The following SREBF1 variants were observed in gnomAD, a reference collection of about 807,000 sequenced individuals.
SREBF1 encodes the protein sterol regulatory element-binding protein 1.
SREBF1 carries 45 observed loss-of-function variants against 100.1 expected under a neutral mutation model. The ratio of observed to expected loss-of-function variants is 0.45; its 90% CI spans 0.35 to 0.58. The LOEUF (loss-of-function observed/expected upper bound fraction) is 0.58. Among genes scored for constraint, SREBF1 ranks in the 20% least tolerant of loss-of-function variants. SREBF1 has a pLI of 0.00. For synonymous variants in SREBF1, 657 were observed against 681.8 expected, an observed-to-expected ratio of 0.96 and a Z score of 0.57; for missense variants, 1,324 against 1,539.4, an observed-to-expected ratio of 0.86 and a Z score of 2.34.
rs747564993 is a variant in SREBF1, at chr17:17,820,416, G to C, written c.197C>G (p.Thr66Ser). Residue 66 changes from threonine to serine, a missense_variant, in exon 2 of 19, where the codon ACC becomes AGC. Physicochemically the swap from Thr to Ser is moderately conservative, Grantham distance 58. Transcript: ENST00000261646. ...TGGAGACAAGCTGCCTGGGGAGCTG[G>C]TATCGGGGCTGGCAGGGTCTGTGCC... ...AGGTDPASPD[T>S]SSPGSLSPPP... 9 of 1,613,242 alleles carry C rather than the reference G, an allele frequency of 5.6e-6. No individual in the cohort carries two copies. The highest frequency in any genetic ancestry group is 1.1e-5 in the South Asian group (1 of 91,082).
intron 1 of SREBF1, among the ~76,000 whole-genome samples, chr17:17,829,204 A>AG (rs2034684505): frequency 2.5e-5 from 1 of 39,830 alleles, no homozygotes. Context: ...AAAAAAAAAA[A>AG]AATATATATA....
rs1265364612 is a variant in SREBF1, at chr17:17,812,796, C to CA, written c.3269dup (p.Leu1090PhefsTer25). ...GGGGCAGGTAGCAGGAGGCCAGCAG[C>CA]AAGGCCTCCGCGTGCTCCCGCCGCG... On this transcript the variant is annotated frameshift_variant, in exon 19 of 19. Coordinates refer to ENST00000261646, the MANE Select transcript of SREBF1 (RefSeq NM_004176.5). LOFTEE classifies it high-confidence loss of function. 2.0e-6 allele frequency: 3 copies of CA among 1,522,558 alleles called. No individual in the cohort carries two copies. The highest frequency in any genetic ancestry group is 2.6e-6 in the Non-Finnish European group (3 of 1,136,962). 94.3% of individuals were successfully genotyped at this position (1,522,558 alleles called of 1,614,324 possible).
At chr17:17,831,040 G>C (rs1030216287) in intron 1 of SREBF1, among the ~76,000 whole-genome samples, 2 of 152,238 alleles carry the variant, frequency 1.3e-5, no homozygotes, top group Non-Finnish European at 2.9e-5. Context: ...CAGGATGTTT[G>C]TGTCCAGCTA....
chr17:17,812,765 AGCC>A lies in SREBF1; in HGVS notation c.3298_3300del (p.Gly1100del), dbSNP rs2033033380. Reference sequence around the variant, plus strand: ...ACGCGCTGCCCGGGCGCCGACAGGAAGCCGGGGGGCAGGTAGCAGGAGGCCAGC... The same window carrying A: ...ACGCGCTGCCCGGGCGCCGACAGGAAGGGGGGCAGGTAGCAGGAGGCCAGC... On this transcript the variant is annotated inframe_deletion, in exon 19 of 19. Coordinates refer to ENST00000261646, the MANE Select transcript of SREBF1 (RefSeq NM_004176.5). 4 of 1,536,764 alleles carry A rather than the reference AGCC, an allele frequency of 2.6e-6. No individual in the cohort carries two copies. Among genetic ancestry groups the A allele is most frequent in the Non-Finnish European group, 3.5e-6 (4 of 1,141,514 alleles).
At chr17:17,823,117 C>T (rs1169294869) in intron 1 of SREBF1, among the ~76,000 whole-genome samples, 1 of 152,228 alleles carries the variant, frequency 6.6e-6, no homozygotes, top group East Asian at 1.9e-4. Flanking sequence ...CCACTGTCTT[C>T]CTGAAAAGTC....
intron 18 of SREBF1, 179 bp from the exon 19 acceptor site, chr17:17,813,030 C>G (rs28657889): frequency 3.2e-6 from 2 of 619,572 alleles, no homozygotes; most frequent in East Asian, 5.5e-5. Flanking sequence ...AGTCCACAGA[C>G]TGAGTCACGC....
In SREBF1 at chr17:17,836,973, G is replaced by T. The variant is rs1053413110; in HGVS notation, c.-156C>A. The T allele has an allele frequency of 5.0e-6, 3 of 594,156 alleles. No homozygotes were observed. The highest frequency in any genetic ancestry group is 8.0e-6 in the Non-Finnish European group (3 of 376,658). 36.8% of individuals were successfully genotyped at this position (594,156 alleles called of 1,614,324 possible). On this transcript the variant is annotated 5_prime_UTR_variant, in exon 1 of 19. Transcript: ENST00000261646. ...AGAGGCGGCCCGGCGCCGGCGAAAA[G>T]TTCCTCGGAAACTGGGTTCCCCCGG...
chr17:17,815,150 G>A lies in SREBF1; in HGVS notation c.2492+71C>T, dbSNP rs1331788038. On this transcript the variant is annotated intron_variant, in intron 13 of 18. Transcript: ENST00000261646. The stretch of plus-strand genomic sequence containing the variant: ...CCCAGCTCTGGGCTCTCTCCACAGG[G>A]TTGAGGCCAGAGCTATTCTCAGAAT... The A allele has an allele frequency of 4.8e-6, 7 of 1,458,414 alleles. No homozygotes were observed. The East Asian group carries it at 1.4e-4, about 28-fold the overall frequency. The allele number at this position is 1,458,414 out of a possible 1,614,324, so 90.3% of individuals were successfully genotyped here. A position where few individuals can be genotyped will look rare whatever the true frequency, so the allele number is the denominator to read the frequency against.
intron 16 of SREBF1, 42 bp from the exon 17 acceptor site, chr17:17,813,811 T>C (rs1240276308): frequency 6.6e-7 from 1 of 1,522,482 alleles, no homozygotes; most frequent in Admixed American, 2.0e-5. Flanking sequence ...GGGCTCCAGC[T>C]CTGGGAGGGG....
In SREBF1 at chr17:17,822,510, C is replaced by T. The variant is rs532246976; in HGVS notation, c.92-1989G>A. On this transcript the variant is annotated intron_variant, in intron 1 of 18. Coordinates refer to ENST00000261646, the MANE Select transcript of SREBF1 (RefSeq NM_004176.5). ...GGGACACACTCCCACCTCAGCCCCA[C>T]CTGGCCAAGGGCCCTCTCCCCCAGC... Among the ~76,000 whole-genome samples, 101 of 152,386 alleles carry T rather than the reference C, an allele frequency of 6.6e-4. 1 individual carries two copies. Among genetic ancestry groups the T allele is most frequent in the African/African-American group, 2.4e-3 (99 of 41,582 alleles).
At chr17:17,820,001 G>T in intron 2 of SREBF1, 89 bp downstream of exon 2, 1 of 1,392,602 alleles carries the variant, frequency 7.2e-7, no homozygotes, top group Non-Finnish European at 9.7e-7. Flanking sequence ...AGCCTGCACA[G>T]ACCTCTACTC....
At position 17,814,728 on chromosome 17, in the gene SREBF1, C is replaced by G; in HGVS notation, c.2622G>C (p.Lys874Asn). The G allele has an allele frequency of 6.2e-7, 1 of 1,610,298 alleles. No individual in the cohort carries two copies. The highest frequency in any genetic ancestry group is 1.1e-5 in the South Asian group (1 of 90,648). ...CCACAGCTGTCAGAGAGGCCCACCACTTGGCCACCGGGTCTACGCCTGCAG... is the reference window on the plus strand; with the variant it reads ...CCACAGCTGTCAGAGAGGCCCACCAGTTGGCCACCGGGTCTACGCCTGCAG... ...ATTTGVDPVA[K>N]WWASLTAVVI... Residue 874 changes from lysine to asparagine, a missense_variant, in exon 15 of 19, where the codon AAG (lysine) becomes AAC (asparagine). Coordinates refer to ENST00000261646, the MANE Select transcript of SREBF1 (RefSeq NM_004176.5).
rs754558022 is a variant in SREBF1 at position 17,816,444 on chromosome 17, C to T, written c.2047+13G>A. 48 of 1,605,174 alleles carry T rather than the reference C, an allele frequency of 3.0e-5. No individual in the cohort carries two copies. The highest frequency in any genetic ancestry group is 5.6e-5 in the South Asian group (5 of 89,744). On this transcript the variant is annotated intron_variant, in intron 10 of 18. Transcript: ENST00000261646. ...AGGGAGCACCTCGGAGCCCGCCCCA[C>T]GCTCAGTCCTACCCATGGTGTGCAG...
In SREBF1 at chr17:17,812,911, C is replaced by A. The variant is rs2033067946; in HGVS notation, c.3215-60G>T. 4.3e-6 allele frequency: 6 copies of A among 1,406,210 alleles called. No individual in the cohort carries two copies. In the Admixed American group the frequency reaches 1.2e-4, roughly 28 times the overall value. The allele number at this position is 1,406,210 out of a possible 1,614,324, so 87.1% of individuals were successfully genotyped here. On this transcript the variant is annotated intron_variant, in intron 18 of 18. Coordinates refer to ENST00000261646, the MANE Select transcript of SREBF1 (RefSeq NM_004176.5). ...AAGCTGGCCACGCCCCCGCGGGAGC[C>A]CTGCCCACACACAAGCCACGGCACC...
Position 17,836,925 on chromosome 17 carries a change from C to T in SREBF1, c.-108G>A, listed in dbSNP as rs1568001234. ...TCTCAGTCGCCGCCGCCGCTCCGCG[C>T]GTTCGTGTCCTGCCCTGGCCTCAGA... is the stretch of plus-strand genomic sequence containing the variant. On this transcript the variant is annotated 5_prime_UTR_variant, in exon 1 of 19. Transcript: ENST00000261646. 7 of 1,050,768 alleles carry T rather than the reference C, an allele frequency of 6.7e-6. No individual in the cohort carries two copies. Among genetic ancestry groups the T allele is most frequent in the South Asian group, 3.6e-5 (2 of 55,352 alleles). 65.1% of individuals were successfully genotyped at this position (1,050,768 alleles called of 1,614,324 possible).
chr17:17,816,540 TC>T lies in SREBF1; in HGVS notation c.1963del (p.Asp655ThrfsTer43), dbSNP rs779253568. The part of the protein sequence containing the change: ...LAGRAGGLQQ[D>X]CALRVDASAS... The stretch of plus-strand genomic sequence containing the variant: ...GCTAGCATCCACTCGCAGAGCACAG[TC>T]CTGCTGCAGGCCCCCTGCCCGGCCT... On this transcript the variant is annotated frameshift_variant, in exon 10 of 19. Coordinates refer to ENST00000261646, the MANE Select transcript of SREBF1 (RefSeq NM_004176.5). LOFTEE classifies it high-confidence loss of function. The T allele has an allele frequency of 6.2e-7, 1 of 1,602,838 alleles. No individual in the cohort carries two copies. The highest frequency in any genetic ancestry group is 8.5e-7 in the Non-Finnish European group (1 of 1,175,830).
chr17:17,835,548 A>G (rs1198286732), intron 1 of SREBF1, among the ~76,000 whole-genome samples: 2 of 152,176 alleles, frequency 1.3e-5, no homozygotes, highest in Non-Finnish European at 2.9e-5. Context: ...GGTTCCATGG[A>G]CATGTCCATT....
chr17:17,815,100 G>T, intron 13 of SREBF1, 121 bp downstream of exon 13: 1 of 1,227,494 alleles, frequency 8.1e-7, no homozygotes, highest in Non-Finnish European at 1.2e-6. Context: ...AGAGAGGAAT[G>T]AAGCGTGCAT....
In SREBF1 at chr17:17,817,350, G is replaced by C; in HGVS notation, c.1512C>G (p.Ala504=). 1 of 1,607,992 alleles carries C rather than the reference G, an allele frequency of 6.2e-7. No individual in the cohort carries two copies. The highest frequency in any genetic ancestry group is 8.5e-7 in the Non-Finnish European group (1 of 1,178,150). Reference sequence around the variant, plus strand: ...GAAGCCCCCGGGCCCCCAGCAAGGAGGCCAAGGGGTTGCAGGACAGGCAGA... The same window carrying C: ...GAAGCCCCCGGGCCCCCAGCAAGGACGCCAAGGGGTTGCAGGACAGGCAGA... ...VFLCLSCNPL[A]SLLGARGLPS... The change falls in exon 8 of 19, where the codon GCC becomes GCG. Residue 504 remains alanine, a synonymous_variant. Transcript: ENST00000261646. The surrounding 1 kb of genome is among the most constrained non-coding windows in gnomAD (Gnocchi z 6.6).
Sources: gnomAD v4.1 joint callset for allele counts (sites outside exome capture counted in the v4.1 genomes callset) on GRCh38, gnomAD v4.1.1 for gene constraint, Gnocchi (gnomAD v3.1) non-coding constraint, MANE v1.5 for transcripts, NCBI Gene and HGNC (gene_info 2026-07-23, HGNC 2026-07-21) for gene names.